ARSG: variants seen among roughly 807,000 people sequenced by gnomAD.
The protein encoded by ARSG is ASG.
A neutral mutation model predicts 50.5 loss-of-function variants in ARSG; 37 were observed. The observed-to-expected ratio is 0.73, with a 90% CI of 0.56 to 0.96. The LOEUF is 0.96. Among genes scored for constraint, ARSG ranks in the 50% least tolerant of loss-of-function variants. The pLI is 0.00. For synonymous variants in ARSG, 225 were observed against 254.6 expected (o/e 0.88, Z 1.11); for missense variants, 629 against 675.3 (o/e 0.93, Z 0.76).
intron 9 of ARSG, among the ~76,000 whole-genome samples, chr17:68,389,645 C>T (rs1356113944): frequency 6.6e-6 from 1 of 152,152 alleles, no homozygotes; most frequent in Non-Finnish European, 1.5e-5. Flanking sequence ...TCTCTTCTTG[C>T]CTTCATTCGG....
chr17:68,295,825 G>A lies in ARSG; in HGVS notation c.-552+4257G>A, dbSNP rs1369117034. Among the ~76,000 whole-genome samples the A allele has an allele frequency of 2.0e-5, 3 of 151,706 alleles. No individual in the cohort carries two copies. The East Asian group carries it at 5.8e-4, about 29-fold the overall frequency. ...CTCCCAAGTAGCTGGGACTACAGGT[G>A]TGTGCCACCATGCCTGGCTAATTTT... On this transcript the variant is annotated intron_variant, in intron 1 of 11. Coordinates refer to ENST00000621439, the MANE Select transcript of ARSG (RefSeq NM_001267727.2).
rs142149263 is a variant in ARSG, at chr17:68,406,767, A to G, written c.1303+5317A>G. The stretch of plus-strand genomic sequence containing the variant: ...TGTTTGAGTTCCTTGTAGGTTCTGG[A>G]TATTAGTCCTTTGTCAGATGTATAG... On this transcript the variant is annotated intron_variant, in intron 11 of 11. Coordinates refer to ENST00000621439, the MANE Select transcript of ARSG (RefSeq NM_001267727.2). 3.5e-3 allele frequency among the ~76,000 whole-genome samples: 528 copies of G among 152,118 alleles called. 3 individuals are homozygous for G. The highest frequency in any genetic ancestry group is 0.012 in the African/African-American group (507 of 41,464).
At chr17:68,331,940 G>T (rs989834959) in intron 2 of ARSG, among the ~76,000 whole-genome samples, 1 of 152,130 alleles carries the variant, frequency 6.6e-6, no homozygotes, top group African/African-American at 2.4e-5. Flanking sequence ...GAGGCAGGGC[G>T]AGATCACAGG....
chr17:68,287,163 A>G (rs534697978), upstream of ARSG, among the ~76,000 whole-genome samples: 1 of 152,018 alleles, frequency 6.6e-6, no homozygotes, highest in Admixed American at 6.6e-5. Flanking sequence ...TTGTTTTAGT[A>G]GAGATGGAGT....
At chr17:68,439,206 TAAGTC>T in the ARSG span, among the ~76,000 whole-genome samples, 1 of 152,140 alleles carries the variant, frequency 6.6e-6, no homozygotes, top group Non-Finnish European at 1.5e-5. Flanking sequence ...GCATTATTCA[TAAGTC>T]AAAAAGTGGA....
At chr17:68,312,545 ACT>A (rs2076906647) in intron 2 of ARSG, among the ~76,000 whole-genome samples, 1 of 151,520 alleles carries the variant, frequency 6.6e-6, no homozygotes, top group Non-Finnish European at 1.5e-5. Context: ...CTACTGTCAC[ACT>A]CTCATCCTGA....
intron 9 of ARSG, among the ~76,000 whole-genome samples, chr17:68,391,137 C>G (rs934606060): frequency 6.6e-6 from 1 of 152,114 alleles, no homozygotes; most frequent in African/African-American, 2.4e-5. Context: ...TTTGGAGTAG[C>G]TGGGGTGCCC....
At chr17:68,448,518 T>A in the ARSG span, 6 of 152,132 alleles carry the variant, frequency 3.9e-5, no homozygotes, top group Admixed American at 2.6e-4. Flanking sequence ...TCACAGTTAA[T>A]GAGTATTATA....
chr17:68,387,078 A>ATC (rs1490176944), intron 9 of ARSG, among the ~76,000 whole-genome samples: 4 of 70,088 alleles, frequency 5.7e-5, no homozygotes, highest in South Asian at 8.4e-4. Flanking sequence ...TATATAGTGT[A>ATC]TCACACACAC....
chr17:68,381,243 GCCACTT>G lies in ARSG; in HGVS notation c.983-3819_983-3814del. Among the ~76,000 whole-genome samples, 1 of 152,260 alleles carries G rather than the reference GCCACTT, an allele frequency of 6.6e-6. No individual in the cohort carries two copies. The highest frequency in any genetic ancestry group is 2.1e-4 in the South Asian group (1 of 4,828). ...CCCCTGTCTTCATGCATCATAAAAT[GCCACTT>G]CACTTCCGTAACCAGAGAAGCACAA... On this transcript the variant is annotated intron_variant, in intron 8 of 11. Transcript: ENST00000621439. The surrounding 1 kb of genome is among the most constrained non-coding windows in gnomAD (Gnocchi z 4.1).
chr17:68,326,755 G>T (rs1326087260), intron 2 of ARSG, among the ~76,000 whole-genome samples: 1 of 152,164 alleles, frequency 6.6e-6, no homozygotes, highest in African/African-American at 2.4e-5. Flanking sequence ...GGGAGTTGAT[G>T]CCAAACGGGG....
intron 8 of ARSG, chr17:68,379,759 G>A (rs2080339554): frequency 2.2e-6 from 2 of 915,062 alleles, no homozygotes; most frequent in Non-Finnish European, 2.6e-6. Context: ...CCTGTCGAAT[G>A]ACATTCAGCA....
intron 8 of ARSG, among the ~76,000 whole-genome samples, chr17:68,371,332 A>AT (rs1165869593): frequency 6.6e-6 from 1 of 151,590 alleles, no homozygotes; most frequent in African/African-American, 2.4e-5. Context: ...AAAAAAAAAA[A>AT]AAAAGAAGGA....
chr17:68,421,931 C>G, downstream of ARSG: 9 of 1,435,362 alleles, frequency 6.3e-6, no homozygotes, highest in Middle Eastern at 1.8e-4. Flanking sequence ...AGGCTGGGCA[C>G]TGTGGAATTT....
At chr17:68,417,860 A>G (rs1419671496) in intron 11 of ARSG, among the ~76,000 whole-genome samples, 1 of 140,738 alleles carries the variant, frequency 7.1e-6, no homozygotes, top group African/African-American at 2.7e-5. Context: ...CCTCCCAGGT[A>G]GCCGGGATTA....
At chr17:68,312,599 G>C (rs1052422578) in intron 2 of ARSG, among the ~76,000 whole-genome samples, 1 of 152,162 alleles carries the variant, frequency 6.6e-6, no homozygotes, top group South Asian at 2.1e-4. Context: ...AATGTGGTTC[G>C]TTGGGCTCTC....
chr17:68,346,169 T>C (rs1057090518), intron 3 of ARSG, among the ~76,000 whole-genome samples: 2 of 152,132 alleles, frequency 1.3e-5, no homozygotes, highest in South Asian at 4.1e-4. Flanking sequence ...AGCCACTCAA[T>C]TGAGAGAAAT....
At chr17:68,293,661 C>T (rs1294784866) in intron 1 of ARSG, among the ~76,000 whole-genome samples, 1 of 152,182 alleles carries the variant, frequency 6.6e-6, no homozygotes, top group East Asian at 1.9e-4. Flanking sequence ...GTAGTTGACA[C>T]TCATTATTCC....
chr17:68,372,861 A>G (rs1402139058), intron 8 of ARSG, among the ~76,000 whole-genome samples: 2 of 148,406 alleles, frequency 1.3e-5, no homozygotes, highest in African/African-American at 2.5e-5. Flanking sequence ...ATTCTGGTGC[A>G]GAGAAGGAAA....
Sources: allele counts gnomAD v4.1 joint callset (sites outside exome capture counted in the v4.1 genomes callset), GRCh38; gene constraint gnomAD v4.1.1; non-coding constraint Gnocchi (gnomAD v3.1); transcripts MANE v1.5; gene names NCBI Gene and HGNC (gene_info 2026-07-23, HGNC 2026-07-21).